The following RPS6KC1 variants were observed in gnomAD, a reference collection of about 807,000 sequenced individuals.
The protein encoded by RPS6KC1 is ribosomal protein S6 kinase C1, also known as inactive ribosomal protein S6 kinase delta-1.
In RPS6KC1, 54 loss-of-function variants were observed where a neutral mutation model predicts 103.8. The observed-to-expected ratio is 0.52, with a 90% CI of 0.42 to 0.65. The LOEUF (loss-of-function observed/expected upper bound fraction) is 0.65, where lower values mean the gene tolerates loss of function less well. Among genes scored for constraint, RPS6KC1 ranks in the 30% least tolerant of loss-of-function variants. The probability of loss-of-function intolerance (pLI) is 0.00; values close to 1 mark genes in which losing one functional copy is unlikely to be tolerated. For synonymous variants in RPS6KC1, 439 were observed against 438.7 expected, an observed-to-expected ratio of 1.00 and a Z score of -0.01; for missense variants, 1,151 against 1,253.8, an observed-to-expected ratio of 0.92 and a Z score of 1.24.
At chr1:213,585,421 A>G in the RPS6KC1 span, among the ~76,000 whole-genome samples, 1 of 152,104 alleles carries the variant, frequency 6.6e-6, no homozygotes. Context: ...GAGAATGAAA[A>G]GTGTTCCACC....
chr1:213,565,223 A>G, the RPS6KC1 span, among the ~76,000 whole-genome samples: 3 of 141,856 alleles, frequency 2.1e-5, no homozygotes, highest in African/African-American at 8.6e-5. Flanking sequence ...TCTTTTATAA[A>G]TGTACACACC....
the RPS6KC1 span, among the ~76,000 whole-genome samples, chr1:213,569,393 C>T: frequency 6.6e-6 from 1 of 152,104 alleles, no homozygotes. Flanking sequence ...CCTAAGGATC[C>T]AGTGATCAAG....
the RPS6KC1 span, among the ~76,000 whole-genome samples, chr1:213,780,021 C>A: frequency 0.01 from 1,595 of 152,134 alleles, 10 homozygotes; most frequent in Non-Finnish European, 0.017. Context: ...AGAACATGCT[C>A]CCTATTTCAG....
chr1:213,770,359 T>C, the RPS6KC1 span, among the ~76,000 whole-genome samples: 2 of 152,330 alleles, frequency 1.3e-5, no homozygotes, highest in Admixed American at 1.3e-4. Context: ...ACACTGATTG[T>C]ATATGGTTAG....
the RPS6KC1 span, among the ~76,000 whole-genome samples, chr1:213,828,569 C>T: frequency 6.6e-6 from 1 of 152,194 alleles, no homozygotes; most frequent in Admixed American, 6.5e-5. Context: ...CTGACTTGTT[C>T]CTAACTAGCT....
the RPS6KC1 span, among the ~76,000 whole-genome samples, chr1:213,740,692 A>G: frequency 6.6e-6 from 1 of 150,682 alleles, no homozygotes; most frequent in Non-Finnish European, 1.5e-5. Context: ...AGATATATGT[A>G]CACATATATA....
At chr1:213,148,137 A>G (rs1233757167) in intron 6 of RPS6KC1, among the ~76,000 whole-genome samples, 1 of 152,214 alleles carries the variant, frequency 6.6e-6, no homozygotes, top group Non-Finnish European at 1.5e-5. Context: ...ATCATCTGCA[A>G]ACAAGGATAA....
intron 6 of RPS6KC1, among the ~76,000 whole-genome samples, chr1:213,158,329 G>T (rs2090121607): frequency 2.0e-5 from 3 of 152,134 alleles, no homozygotes; most frequent in African/African-American, 4.8e-5. Flanking sequence ...CCTTGTCTTG[G>T]CAATGTGCTT....
chr1:213,057,774 T>G lies in RPS6KC1; in HGVS notation c.105+6265T>G, dbSNP rs2077460552. On this transcript the variant is annotated intron_variant, in intron 1 of 14. Coordinates refer to ENST00000366960, the MANE Select transcript of RPS6KC1 (RefSeq NM_012424.6). ...TATCTTTTTTTTTTTTTTTTTTTTTTTTCCTTTGAGACAGAGTCTCCCTCT... is the reference window on the plus strand; with the variant it reads ...TATCTTTTTTTTTTTTTTTTTTTTTGTTCCTTTGAGACAGAGTCTCCCTCT... Among the ~76,000 whole-genome samples, 3 of 143,338 alleles carry G rather than the reference T, an allele frequency of 2.1e-5. No individual in the cohort carries two copies. In the South Asian group the frequency reaches 6.9e-4, roughly 33 times the overall value. The allele number at this position is 143,338 out of a possible 152,430, so 94.0% of individuals were successfully genotyped here. A position where few individuals can be genotyped will look rare whatever the true frequency, so the allele number is the denominator to read the frequency against.
At chr1:213,128,112 A>G (rs1217481542) in intron 5 of RPS6KC1, among the ~76,000 whole-genome samples, 1 of 152,230 alleles carries the variant, frequency 6.6e-6, no homozygotes, top group African/African-American at 2.4e-5. Context: ...TTTCAGTTAC[A>G]TTATCTATGT....
the RPS6KC1 span, among the ~76,000 whole-genome samples, chr1:213,816,374 C>G: frequency 6.6e-6 from 1 of 152,212 alleles, no homozygotes; most frequent in Non-Finnish European, 1.5e-5. Context: ...ATAATTATCC[C>G]TGCTCTTCAG....
At chr1:213,482,555 T>G in the RPS6KC1 span, among the ~76,000 whole-genome samples, 2 of 124,792 alleles carry the variant, frequency 1.6e-5, no homozygotes, top group South Asian at 3.0e-4. Flanking sequence ...TTTTTTTTTT[T>G]TTTTTTTTTT....
At chr1:213,713,978 C>A in the RPS6KC1 span, among the ~76,000 whole-genome samples, 2 of 152,188 alleles carry the variant, frequency 1.3e-5, no homozygotes, top group African/African-American at 2.4e-5. Flanking sequence ...ATTTAATCTG[C>A]TTTGACTAGA....
At chr1:213,056,485 A>G (rs2077340903) in intron 1 of RPS6KC1, among the ~76,000 whole-genome samples, 1 of 152,246 alleles carries the variant, frequency 6.6e-6, no homozygotes, top group Non-Finnish European at 1.5e-5. Flanking sequence ...GGGCATTACT[A>G]TAGTTTGGCA....
chr1:213,543,678 A>G, the RPS6KC1 span, among the ~76,000 whole-genome samples: 2 of 152,188 alleles, frequency 1.3e-5, no homozygotes, highest in Non-Finnish European at 2.9e-5. Context: ...TCCTTGGGAA[A>G]CCATCCCAGT....
At chr1:213,107,051 C>A (rs61834104) in intron 4 of RPS6KC1, among the ~76,000 whole-genome samples, 5,180 of 152,218 alleles carry the variant, frequency 0.034, 122 homozygotes, top group Middle Eastern at 0.054. Context: ...AAGCTATTCT[C>A]CTGCCTCGGC....
chr1:213,203,585 A>G (rs2093241905), intron 8 of RPS6KC1, among the ~76,000 whole-genome samples: 1 of 152,036 alleles, frequency 6.6e-6, no homozygotes, highest in Non-Finnish European at 1.5e-5. Flanking sequence ...AGCTCTTTTT[A>G]TAAGAATATG....
At chr1:213,374,633 A>G in the RPS6KC1 span, among the ~76,000 whole-genome samples, 4 of 152,228 alleles carry the variant, frequency 2.6e-5, no homozygotes, top group African/African-American at 7.2e-5. Flanking sequence ...GACTTTGAGA[A>G]GCAAGGGAAG....
At chr1:213,450,139 T>C in the RPS6KC1 span, among the ~76,000 whole-genome samples, 1 of 152,250 alleles carries the variant, frequency 6.6e-6, no homozygotes, top group South Asian at 2.1e-4. Context: ...GAGAACCTAC[T>C]TGAAGAAGGT....
Sources: allele counts gnomAD v4.1 joint callset (sites outside exome capture counted in the v4.1 genomes callset), GRCh38; gene constraint gnomAD v4.1.1; transcripts MANE v1.5; gene names NCBI Gene and HGNC (gene_info 2026-07-23, HGNC 2026-07-21).